The following ANK1 variants were observed in gnomAD, a reference collection of about 807,000 sequenced individuals.
ANK1 encodes ankyrin-1.
In ANK1, 51 loss-of-function variants were observed where a neutral mutation model predicts 210.4. That is an observed-to-expected ratio of 0.24 (90% CI 0.19 to 0.31). The LOEUF (loss-of-function observed/expected upper bound fraction) is 0.31, where lower values mean the gene tolerates loss of function less well. Among genes scored for constraint, ANK1 ranks in the 10% least tolerant of loss-of-function variants. The pLI, the probability that ANK1 is intolerant of heterozygous loss-of-function variation, is 1.00. For synonymous variants in ANK1, 967 were observed against 1,025.9 expected, an observed-to-expected ratio of 0.94 and a Z score of 1.10; for missense variants, 2,051 against 2,504.4, an observed-to-expected ratio of 0.82 and a Z score of 3.86.
At chr8:41,796,733 G>A (rs769926302) in intron 1 of ANK1, among the ~76,000 whole-genome samples, 5 of 151,504 alleles carry the variant, frequency 3.3e-5, no homozygotes, top group Non-Finnish European at 5.9e-5. Context: ...GTGGCCTGAT[G>A]TCCAACTCTG....
At chr8:41,757,983 A>T in intron 2 of ANK1, 53 bp downstream of exon 2, 1 of 1,499,678 alleles carries the variant, frequency 6.7e-7, no homozygotes, top group Non-Finnish European at 9.3e-7. Context: ...AGGAAATGGC[A>T]TCAGGCAAGA....
At chr8:41,786,285 C>T (rs1355309049) in intron 1 of ANK1, among the ~76,000 whole-genome samples, 1 of 152,132 alleles carries the variant, frequency 6.6e-6, no homozygotes, top group Non-Finnish European at 1.5e-5. Flanking sequence ...GGAGGGGCGT[C>T]TACAGGCAGC....
At chr8:41,761,293 A>G (rs1840367937) in intron 1 of ANK1, among the ~76,000 whole-genome samples, 1 of 151,890 alleles carries the variant, frequency 6.6e-6, no homozygotes. Context: ...ACACCAAGAG[A>G]TGCATACACA....
At position 41,684,622 on chromosome 8, in the gene ANK1, C is replaced by G. The variant is rs565043145; in HGVS notation, c.4459G>C (p.Gly1487Arg). The change falls in exon 37 of 43, where the codon GGC (glycine) becomes CGC (arginine). Residue 1487 changes from glycine (G) to arginine (R), a missense_variant. By Grantham distance (125) the Gly-to-Arg change is moderately radical. Coordinates refer to ENST00000289734, the MANE Select transcript of ANK1 (RefSeq NM_000037.4). ...GGCTTCAAGTTGCGGCTCTGTCGGC[C>G]GGAACCCTCCAGCATGTTCACGATC... is the stretch of plus-strand genomic sequence containing the variant. ...GEIVNMLEGS[G>R]RQSRNLKPDR... 8 of 1,613,870 alleles carry G rather than the reference C, an allele frequency of 5.0e-6. No individual in the cohort carries two copies. The highest frequency in any genetic ancestry group is 6.8e-6 in the Non-Finnish European group (8 of 1,180,016).
chr8:41,878,483 C>T lies in ANK1; in HGVS notation c.126+17872G>A, dbSNP rs568700701. Among the ~76,000 whole-genome samples, 8 of 152,326 alleles carry T rather than the reference C, an allele frequency of 5.3e-5. No homozygotes were observed. The East Asian group carries it at 1.3e-3, about 26-fold the overall frequency. On this transcript the variant is annotated intron_variant, in intron 1 of 42. Transcript: ENST00000265709. ...GGGAGCTGTTTATAAAAAGAAGCTC[C>T]TCTGGACATCCCAGAAGCCATGGTC...
intron 1 of ANK1, among the ~76,000 whole-genome samples, chr8:41,830,575 G>C (rs1234299682): frequency 6.6e-6 from 1 of 152,066 alleles, no homozygotes; most frequent in Admixed American, 6.6e-5. Context: ...AGATTCCCAG[G>C]GAGTGTCAGG....
chr8:41,888,369 G>A (rs1212178662), intron 1 of ANK1, among the ~76,000 whole-genome samples: 5 of 152,180 alleles, frequency 3.3e-5, no homozygotes, highest in Non-Finnish European at 5.9e-5. Context: ...ATGTGATACC[G>A]CACATTGGAA....
intron 2 of ANK1, among the ~76,000 whole-genome samples, chr8:41,757,006 A>G (rs1276281262): frequency 2.0e-5 from 3 of 152,192 alleles, no homozygotes; most frequent in African/African-American, 7.2e-5. Context: ...AGAGACTGGA[A>G]GTTGAAGGGT....
At chr8:41,891,509 C>T (rs1224453322) in intron 1 of ANK1, among the ~76,000 whole-genome samples, 1 of 152,194 alleles carries the variant, frequency 6.6e-6, no homozygotes, top group African/African-American at 2.4e-5. Context: ...CTCACAGTCA[C>T]CCTTCACAGA....
At chr8:41,687,016 C>T (rs148650345) in intron 35 of ANK1, among the ~76,000 whole-genome samples, 8 of 152,310 alleles carry the variant, frequency 5.3e-5, no homozygotes, top group African/African-American at 7.2e-5. Context: ...TGCACACACA[C>T]GCCCCCTGAG....
intron 1 of ANK1, among the ~76,000 whole-genome samples, chr8:41,835,383 T>C (rs1045078786): frequency 2.0e-5 from 3 of 150,486 alleles, no homozygotes; most frequent in Non-Finnish European, 3.0e-5. Context: ...ACCCGGGAGG[T>C]GGAGGTAGCA....
chr8:41,833,998 A>C (rs1372720717), intron 1 of ANK1, among the ~76,000 whole-genome samples: 1 of 152,200 alleles, frequency 6.6e-6, no homozygotes, highest in Non-Finnish European at 1.5e-5. Context: ...TGGAGGTGAG[A>C]AACCGCTGGA....
chr8:41,888,579 T>A (rs926515744), intron 1 of ANK1, among the ~76,000 whole-genome samples: 1 of 152,200 alleles, frequency 6.6e-6, no homozygotes, highest in African/African-American at 2.4e-5. Context: ...AAGGCCCAGA[T>A]AACAGGAAAA....
At chr8:41,816,750 A>G (rs534828639) in intron 1 of ANK1, among the ~76,000 whole-genome samples, 1 of 152,240 alleles carries the variant, frequency 6.6e-6, no homozygotes, top group South Asian at 2.1e-4. Flanking sequence ...TTATTTACCA[A>G]ATTTTATCGG....
intron 1 of ANK1, among the ~76,000 whole-genome samples, chr8:41,791,992 CCT>C (rs1436146163): frequency 2.0e-5 from 3 of 150,600 alleles, no homozygotes; most frequent in African/African-American, 4.9e-5. Flanking sequence ...GGCAACACAC[CCT>C]GTCTCATTCC....
At chr8:41,819,945 G>C (rs1803931620) in intron 1 of ANK1, among the ~76,000 whole-genome samples, 1 of 152,228 alleles carries the variant, frequency 6.6e-6, no homozygotes, top group Non-Finnish European at 1.5e-5. Context: ...AGCCTGTGAG[G>C]CCAGCTCAAA....
At chr8:41,857,264 C>T (rs529073769) in intron 1 of ANK1, among the ~76,000 whole-genome samples, 6 of 150,312 alleles carry the variant, frequency 4.0e-5, no homozygotes, top group South Asian at 4.3e-4. Context: ...CTCTTTGACT[C>T]GTTTCTTGGT....
chr8:41,669,406 C>T (rs1216198553), intron 38 of ANK1, among the ~76,000 whole-genome samples: 1 of 152,118 alleles, frequency 6.6e-6, no homozygotes, highest in South Asian at 2.1e-4. Context: ...AGGCGATCCT[C>T]CTGCCTCAGC....
chr8:41,884,703 C>T (rs1352174372), intron 1 of ANK1, among the ~76,000 whole-genome samples: 3 of 152,046 alleles, frequency 2.0e-5, no homozygotes, highest in Non-Finnish European at 1.5e-5. Context: ...TTTGGTGGTG[C>T]GTGTCTGTAG....
Sources: gnomAD v4.1 joint callset for allele counts (sites outside exome capture counted in the v4.1 genomes callset) on GRCh38, gnomAD v4.1.1 for gene constraint, MANE v1.5 for transcripts, NCBI Gene and HGNC (gene_info 2026-07-23, HGNC 2026-07-21) for gene names.